The following GRID2 variants were observed in gnomAD, a reference collection of about 807,000 sequenced individuals.
The protein encoded by GRID2 is glutamate receptor ionotropic, delta-2.
In GRID2, 33 loss-of-function variants were observed where a neutral mutation model predicts 114.8. That is an observed-to-expected ratio of 0.29 (90% CI 0.22 to 0.38). The LOEUF (loss-of-function observed/expected upper bound fraction) is 0.38. GRID2 is among the 10% of genes least tolerant of loss of function. GRID2 has a pLI of 1.00. For synonymous variants in GRID2, 505 were observed against 449.9 expected (o/e 1.12, Z -1.55); for missense variants, 1,184 against 1,257.7 (o/e 0.94, Z 0.89).
intron 13 of GRID2, among the ~76,000 whole-genome samples, chr4:93,561,689 C>T (rs1241923408): frequency 6.6e-6 from 1 of 152,110 alleles, no homozygotes; most frequent in Non-Finnish European, 1.5e-5. Context: ...CACCTACTTA[C>T]TCCCTATCCC....
intron 2 of GRID2, among the ~76,000 whole-genome samples, chr4:92,919,238 C>T (rs1333947287): frequency 6.6e-6 from 1 of 151,960 alleles, no homozygotes; most frequent in African/African-American, 2.4e-5. Context: ...TGATTCTTCT[C>T]TCATTTCTTC....
chr4:92,335,671 T>A (rs1727127213), intron 1 of GRID2, among the ~76,000 whole-genome samples: 1 of 152,178 alleles, frequency 6.6e-6, no homozygotes, highest in African/African-American at 2.4e-5. Context: ...TTATTTGTAT[T>A]TTAAAGGGTA....
At chr4:93,071,876 T>C (rs905268496) in intron 2 of GRID2, among the ~76,000 whole-genome samples, 1 of 152,100 alleles carries the variant, frequency 6.6e-6, no homozygotes, top group South Asian at 2.1e-4. Context: ...GAAAAAAAAT[T>C]ATCCATGGAG....
intron 14 of GRID2, among the ~76,000 whole-genome samples, chr4:93,626,867 A>G (rs1742781448): frequency 6.6e-6 from 1 of 152,198 alleles, no homozygotes; most frequent in Admixed American, 6.5e-5. Flanking sequence ...GCAGATAATG[A>G]CAGGGATGTT....
At chr4:93,357,862 T>A (rs1761500156) in intron 8 of GRID2, among the ~76,000 whole-genome samples, 1 of 151,772 alleles carries the variant, frequency 6.6e-6, no homozygotes, top group Non-Finnish European at 1.5e-5. Flanking sequence ...TCATTTTGTG[T>A]TTGTGCTATA....
chr4:92,756,173 A>G (rs115624221), intron 2 of GRID2, among the ~76,000 whole-genome samples: 4,291 of 152,254 alleles, frequency 0.028, 75 homozygotes, highest in Non-Finnish European at 0.041. Flanking sequence ...TAGCTCCCAT[A>G]TATGAGTGAG....
chr4:92,996,885 T>C (rs1168559697), intron 2 of GRID2, among the ~76,000 whole-genome samples: 2 of 152,102 alleles, frequency 1.3e-5, no homozygotes, highest in South Asian at 2.1e-4. Context: ...TCTCTCACAC[T>C]CTTACCAGAT....
chr4:93,733,572 C>A (rs1433063271), intron 14 of GRID2, among the ~76,000 whole-genome samples: 1 of 152,130 alleles, frequency 6.6e-6, no homozygotes, highest in Non-Finnish European at 1.5e-5. Context: ...CCATATGTCA[C>A]TCTGTCTGTC....
intron 1 of GRID2, among the ~76,000 whole-genome samples, chr4:92,475,361 A>G (rs1219316439): frequency 6.6e-6 from 1 of 151,360 alleles, no homozygotes; most frequent in Non-Finnish European, 1.5e-5. Context: ...GATGTGAAGT[A>G]AGGATATAAT....
intron 1 of GRID2, among the ~76,000 whole-genome samples, chr4:92,311,328 T>C (rs1725699543): frequency 6.6e-6 from 1 of 152,070 alleles, no homozygotes; most frequent in African/African-American, 2.4e-5. Flanking sequence ...CAGGTTTTTA[T>C]GCTTTTATCC....
At chr4:92,856,282 T>G (rs1291516370) in intron 2 of GRID2, among the ~76,000 whole-genome samples, 2 of 152,128 alleles carry the variant, frequency 1.3e-5, no homozygotes. Flanking sequence ...CCTCTGAATT[T>G]CTATACCCAC....
intron 4 of GRID2, among the ~76,000 whole-genome samples, chr4:93,116,942 GATTCAAT>G (rs1289051594): frequency 6.6e-6 from 1 of 151,948 alleles, no homozygotes; most frequent in African/African-American, 2.4e-5. Context: ...TAGGAGCAGT[GATTCAAT>G]ATTCACAAAT....
At chr4:93,316,113 T>A (rs967801063) in intron 8 of GRID2, among the ~76,000 whole-genome samples, 1 of 151,806 alleles carries the variant, frequency 6.6e-6, no homozygotes, top group African/African-American at 2.4e-5. Flanking sequence ...GGTGTTGACT[T>A]TGGTTTTGGA....
At chr4:92,855,740 A>C (rs1440765373) in intron 2 of GRID2, among the ~76,000 whole-genome samples, 1 of 152,010 alleles carries the variant, frequency 6.6e-6, no homozygotes, top group African/African-American at 2.4e-5. Context: ...TTAAGAACTG[A>C]TTACTTCATA....
At chr4:93,754,465 G>A (rs750854779) in intron 14 of GRID2, among the ~76,000 whole-genome samples, 1 of 152,068 alleles carries the variant, frequency 6.6e-6, no homozygotes, top group South Asian at 2.1e-4. Context: ...GTTATATATG[G>A]AATGCCATTA....
chr4:93,810,265 T>TTCCCACAGTATG (rs1735107604), downstream of GRID2: 1 of 152,208 alleles, frequency 6.6e-6, no homozygotes, highest in Non-Finnish European at 1.5e-5. Flanking sequence ...CAGAAAACTC[T>TTCCCACAGTATG]TCCTTTCCCA....
At chr4:92,477,405 C>T (rs1355773517) in intron 1 of GRID2, among the ~76,000 whole-genome samples, 5 of 151,790 alleles carry the variant, frequency 3.3e-5, no homozygotes, top group Non-Finnish European at 5.9e-5. Context: ...TTCCAGTGAC[C>T]CAGTTTTTGA....
At chr4:93,237,700 C>T (rs1746963293) in intron 7 of GRID2, among the ~76,000 whole-genome samples, 1 of 151,848 alleles carries the variant, frequency 6.6e-6, no homozygotes. Context: ...GAAGTATGAC[C>T]TACATTGCCA....
At chr4:93,035,557 C>G (rs933083574) in intron 2 of GRID2, among the ~76,000 whole-genome samples, 4 of 152,110 alleles carry the variant, frequency 2.6e-5, no homozygotes, top group African/African-American at 9.7e-5. Context: ...CCTTTATCCT[C>G]TAGTTCTAGG....
Sources: gnomAD v4.1 joint callset for allele counts (sites outside exome capture counted in the v4.1 genomes callset) on GRCh38, gnomAD v4.1.1 for gene constraint, MANE v1.5 for transcripts, NCBI Gene and HGNC (gene_info 2026-07-23, HGNC 2026-07-21) for gene names.